Variants in INSL6 observed in about 807,000 individuals in gnomAD.
INSL6 encodes insulin like 6, also known as insulin-like peptide INSL6.
A neutral mutation model predicts 9.4 loss-of-function variants in INSL6; 16 were observed. That is an observed-to-expected ratio of 1.70 (90% CI 1.15 to 2.59). INSL6 has a LOEUF of 2.59. Ranked by LOEUF, INSL6 falls within the 30% of genes most tolerant of loss-of-function variation. INSL6 has a pLI of 0.00. For synonymous variants in INSL6, 154 were observed against 96.9 expected, an observed-to-expected ratio of 1.59 and a Z score of -3.46; for missense variants, 391 against 257.3, an observed-to-expected ratio of 1.52 and a Z score of -3.56.
chr9:5,081,041 G>T, the INSL6 span, among the ~76,000 whole-genome samples: 1 of 150,958 alleles, frequency 6.6e-6, no homozygotes, highest in African/African-American at 2.4e-5. Context: ...GACTACAGGC[G>T]CCCGCCACCA....
At chr9:5,136,990 C>G (rs1417204953) in intron 2 of INSL6, among the ~76,000 whole-genome samples, 1 of 151,858 alleles carries the variant, frequency 6.6e-6, no homozygotes, top group East Asian at 1.9e-4. Flanking sequence ...GACAAACAGC[C>G]AAATCATGAG....
the INSL6 span, among the ~76,000 whole-genome samples, chr9:5,011,037 T>G: frequency 6.6e-6 from 1 of 152,248 alleles, no homozygotes; most frequent in South Asian, 2.1e-4. Flanking sequence ...TGACTGCTTT[T>G]AAGATTATCT....
At chr9:5,050,445 A>T in the INSL6 span, among the ~76,000 whole-genome samples, 1 of 152,016 alleles carries the variant, frequency 6.6e-6, no homozygotes, top group Non-Finnish European at 1.5e-5. Context: ...TAATTTTTAA[A>T]TTTTTTGTGG....
At chr9:5,157,812 G>A (rs1824844392) in intron 2 of INSL6, among the ~76,000 whole-genome samples, 1 of 152,162 alleles carries the variant, frequency 6.6e-6, no homozygotes, top group Middle Eastern at 3.4e-3. Flanking sequence ...CAAGCATCAA[G>A]ACTACCCAGG....
At chr9:5,112,050 G>T in the INSL6 span, 1 of 409,152 alleles carries the variant, frequency 2.4e-6, no homozygotes. Context: ...ACCCAGCTAC[G>T]ACGGGGGTCT....
intron 2 of INSL6, among the ~76,000 whole-genome samples, chr9:5,134,219 T>C (rs1395977342): frequency 1.3e-5 from 2 of 152,126 alleles, no homozygotes; most frequent in Non-Finnish European, 2.9e-5. Context: ...CTACGTTTGG[T>C]GTACCTGAAA....
chr9:5,020,237 T>C, the INSL6 span, among the ~76,000 whole-genome samples: 1 of 152,122 alleles, frequency 6.6e-6, no homozygotes, highest in Non-Finnish European at 1.5e-5. Context: ...GGGAACCAGC[T>C]GTGGTGGTAG....
Position 5,136,753 on chromosome 9 carries a change from A to G in INSL6, c.377-3161T>C, listed in dbSNP as rs144352388. 3.0e-3 allele frequency among the ~76,000 whole-genome samples: 460 copies of G among 152,288 alleles called. 3 individuals carry two copies. Among genetic ancestry groups the G allele is most frequent in the African/African-American group, 0.011 (437 of 41,550 alleles). On this transcript the variant is annotated intron_variant, in intron 2 of 3. Transcript: ENST00000649639. Reference sequence around the variant, plus strand: ...TCTCACCAGTCCTATTCAACATACTATTGGAAGTTCTGGCCAGGGCAATCA... The same window carrying G: ...TCTCACCAGTCCTATTCAACATACTGTTGGAAGTTCTGGCCAGGGCAATCA...
At chr9:5,112,507 C>G in the INSL6 span, 20 of 565,452 alleles carry the variant, frequency 3.5e-5, no homozygotes, top group African/African-American at 3.3e-4. Context: ...GGAAGATGAC[C>G]TTTTCCCCCC....
intron 3 of INSL6, among the ~76,000 whole-genome samples, chr9:5,129,241 C>T (rs1824190764): frequency 6.6e-6 from 1 of 152,010 alleles, no homozygotes; most frequent in Non-Finnish European, 1.5e-5. Context: ...ATGTTAATTT[C>T]TTTAGCATGC....
rs919923463 is a variant in INSL6 at position 5,166,978 on chromosome 9, G to C, written c.290-2713C>G. On this transcript the variant is annotated intron_variant, in intron 1 of 1. Transcript: ENST00000381641. The stretch of plus-strand genomic sequence containing the variant: ...GGGAAGCAGCCAAGATGGCTGAATA[G>C]AAACACCTTTGCTCTGCAGCTCCCA... Among the ~76,000 whole-genome samples the C allele has an allele frequency of 3.3e-5, 5 of 152,264 alleles. No homozygotes were observed. In the South Asian group the frequency reaches 1.0e-3, roughly 32 times the overall value.
At chr9:5,012,259 GAGTA>G in the INSL6 span, among the ~76,000 whole-genome samples, 1 of 152,232 alleles carries the variant, frequency 6.6e-6, no homozygotes, top group Non-Finnish European at 1.5e-5. Context: ...GATGGAAGAA[GAGTA>G]AGTATGGGCC....
the INSL6 span, among the ~76,000 whole-genome samples, chr9:5,030,707 T>C: frequency 1.3e-5 from 2 of 152,082 alleles, no homozygotes; most frequent in African/African-American, 2.4e-5. Flanking sequence ...ATAATATTTA[T>C]TATTGTGCCT....
chr9:5,140,716 T>C (rs74722275), intron 2 of INSL6, among the ~76,000 whole-genome samples: 5 of 62,600 alleles, frequency 8.0e-5, no homozygotes, highest in African/African-American at 3.8e-4. Flanking sequence ...TGGGGATTCA[T>C]TTTTTTTTCC....
chr9:5,022,730 C>T, the INSL6 span, among the ~76,000 whole-genome samples: 6 of 152,196 alleles, frequency 3.9e-5, no homozygotes, highest in African/African-American at 1.2e-4. Context: ...TATCTATGGA[C>T]CAAAACTGTG....
chr9:5,126,299 T>C (rs779932192), intron 3 of INSL6: 2 of 1,438,166 alleles, frequency 1.4e-6, no homozygotes, highest in South Asian at 1.2e-5. Context: ...ACAAATTAAA[T>C]GTACAAAAAA....
the INSL6 span, among the ~76,000 whole-genome samples, chr9:5,117,715 G>A: frequency 6.6e-6 from 1 of 151,736 alleles, no homozygotes; most frequent in Non-Finnish European, 1.5e-5. Context: ...TATTTAATAT[G>A]GTAAATACTG....
intron 1 of INSL6, among the ~76,000 whole-genome samples, chr9:5,174,106 A>C (rs1586877021): frequency 6.6e-6 from 1 of 152,188 alleles, no homozygotes; most frequent in South Asian, 2.1e-4. Context: ...CTACTCCAGC[A>C]ATCCTTCTCC....
the INSL6 span, among the ~76,000 whole-genome samples, chr9:5,067,207 T>G: frequency 6.6e-6 from 1 of 152,090 alleles, no homozygotes; most frequent in Non-Finnish European, 1.5e-5. Context: ...TAGAGAAAAC[T>G]AGGTCAATAA....
Sources: gnomAD v4.1 joint callset for allele counts (sites outside exome capture counted in the v4.1 genomes callset) on GRCh38, gnomAD v4.1.1 for gene constraint, MANE v1.5 for transcripts, NCBI Gene and HGNC (gene_info 2026-07-23, HGNC 2026-07-21) for gene names.